ST6GALNAC3: variants seen among roughly 807,000 people sequenced by gnomAD.
ST6GALNAC3 encodes the protein alpha-N-acetylgalactosaminide alpha-2,6-sialyltransferase 3.
In ST6GALNAC3, 25 loss-of-function variants were observed where a neutral mutation model predicts 32.7. The observed-to-expected ratio is 0.76, with a 90% confidence interval of 0.56 to 1.07. ST6GALNAC3 has a LOEUF of 1.07. Ranked by LOEUF, ST6GALNAC3 falls within the 50% of genes least tolerant of loss-of-function variation. The probability of loss-of-function intolerance (pLI) is 0.00; values close to 1 mark genes in which losing one functional copy is unlikely to be tolerated. For missense variants in ST6GALNAC3, 355 were observed against 382.4 expected (o/e 0.93, Z 0.60); for synonymous variants, 129 against 133.1 (o/e 0.97, Z 0.21).
At chr1:76,112,856 GGGCAGCCA>G (rs1387405525) in intron 1 of ST6GALNAC3, among the ~76,000 whole-genome samples, 1 of 151,802 alleles carries the variant, frequency 6.6e-6, no homozygotes, top group East Asian at 2.0e-4. Flanking sequence ...TTTCCAGACT[GGGCAGCCA>G]GGCAGAGAGG....
At chr1:76,510,246 C>T (rs913112988) in intron 3 of ST6GALNAC3, among the ~76,000 whole-genome samples, 1 of 152,142 alleles carries the variant, frequency 6.6e-6, no homozygotes, top group Non-Finnish European at 1.5e-5. Context: ...TGGCCAACAA[C>T]TTTAAAATGG....
intron 3 of ST6GALNAC3, among the ~76,000 whole-genome samples, chr1:76,454,389 G>T (rs970590659): frequency 1.3e-5 from 2 of 152,000 alleles, no homozygotes; most frequent in African/African-American, 4.8e-5. Flanking sequence ...TATGAGATTT[G>T]TACTTTAAGG....
chr1:76,565,102 G>T (rs757516941), intron 3 of ST6GALNAC3, among the ~76,000 whole-genome samples: 5 of 152,128 alleles, frequency 3.3e-5, no homozygotes, highest in Admixed American at 6.5e-5. Context: ...TGTCCAACGG[G>T]AGGGGCCCCT....
intron 2 of ST6GALNAC3, among the ~76,000 whole-genome samples, chr1:76,383,441 A>ATTTTT (rs34140871): frequency 1.5e-5 from 2 of 134,350 alleles, no homozygotes; most frequent in African/African-American, 5.7e-5. Flanking sequence ...TGGCTAATTA[A>ATTTTT]TTTTTTTTTT....
At chr1:76,251,881 C>T (rs887408886) in intron 1 of ST6GALNAC3, among the ~76,000 whole-genome samples, 3 of 152,126 alleles carry the variant, frequency 2.0e-5, no homozygotes, top group African/African-American at 7.2e-5. Flanking sequence ...TAGTGCCTCA[C>T]TCAGAAGATA....
chr1:76,155,769 G>A (rs1183826724), intron 1 of ST6GALNAC3, among the ~76,000 whole-genome samples: 1 of 152,020 alleles, frequency 6.6e-6, no homozygotes, highest in African/African-American at 2.4e-5. Flanking sequence ...GAGCCACCGC[G>A]CCCGGCCTCC....
chr1:76,206,722 ACT>A (rs1021595056), intron 1 of ST6GALNAC3, among the ~76,000 whole-genome samples: 2 of 151,362 alleles, frequency 1.3e-5, no homozygotes, highest in African/African-American at 4.9e-5. Flanking sequence ...ATAGAGCGAG[ACT>A]CTGTCTAAAA....
At chr1:76,081,091 A>G (rs976458879) in intron 1 of ST6GALNAC3, among the ~76,000 whole-genome samples, 1 of 152,176 alleles carries the variant, frequency 6.6e-6, no homozygotes, top group Non-Finnish European at 1.5e-5. Flanking sequence ...ACAAATGAAG[A>G]CACTGAAGTT....
At chr1:76,597,938 C>T (rs1192101199) in intron 3 of ST6GALNAC3, among the ~76,000 whole-genome samples, 1 of 152,088 alleles carries the variant, frequency 6.6e-6, no homozygotes, top group Non-Finnish European at 1.5e-5. Flanking sequence ...TAACTGTCTT[C>T]GTTTATTTGG....
chr1:76,530,869 C>T (rs1385325768), intron 3 of ST6GALNAC3, among the ~76,000 whole-genome samples: 1 of 152,162 alleles, frequency 6.6e-6, no homozygotes, highest in African/African-American at 2.4e-5. Flanking sequence ...CTAGTCAAGA[C>T]AACAAGGCCA....
intron 3 of ST6GALNAC3, among the ~76,000 whole-genome samples, chr1:76,532,380 C>T (rs1360334458): frequency 6.6e-6 from 1 of 152,116 alleles, no homozygotes; most frequent in African/African-American, 2.4e-5. Flanking sequence ...ATCTGAATAC[C>T]GAATGCCACT....
intron 3 of ST6GALNAC3, among the ~76,000 whole-genome samples, chr1:76,414,894 C>T (rs1654508390): frequency 6.6e-6 from 1 of 151,982 alleles, no homozygotes; most frequent in Non-Finnish European, 1.5e-5. Flanking sequence ...TCCCAATTGT[C>T]TCATTGATAT....
intron 1 of ST6GALNAC3, among the ~76,000 whole-genome samples, chr1:76,213,596 C>T (rs1380009498): frequency 6.6e-6 from 1 of 152,184 alleles, no homozygotes; most frequent in Non-Finnish European, 1.5e-5. Flanking sequence ...AACAAATTCC[C>T]TTGCTCTATT....
intron 3 of ST6GALNAC3, among the ~76,000 whole-genome samples, chr1:76,494,102 G>A (rs565660751): frequency 4.4e-4 from 66 of 151,706 alleles, no homozygotes; most frequent in Non-Finnish European, 7.1e-4. Flanking sequence ...ACCCAATCTC[G>A]GCAGCAGGAT....
intron 3 of ST6GALNAC3, among the ~76,000 whole-genome samples, chr1:76,446,901 A>G (rs570087598): frequency 9.2e-5 from 14 of 152,312 alleles, no homozygotes; most frequent in Non-Finnish European, 2.1e-4. Context: ...AGTCTTGGGT[A>G]TGTCTTTATC....
chr1:76,096,918 CTTTT>C (rs545909921), intron 1 of ST6GALNAC3, among the ~76,000 whole-genome samples: 34 of 130,678 alleles, frequency 2.6e-4, no homozygotes, highest in African/African-American at 9.2e-4. Context: ...AGTCATAGAG[CTTTT>C]TTTTTTTTTT....
At chr1:76,265,538 C>G (rs1188513435) in intron 1 of ST6GALNAC3, among the ~76,000 whole-genome samples, 1 of 152,126 alleles carries the variant, frequency 6.6e-6, no homozygotes. Flanking sequence ...CAAATGCAAC[C>G]ATATTTCCCC....
intron 1 of ST6GALNAC3, among the ~76,000 whole-genome samples, chr1:76,268,451 C>T (rs992532511): frequency 7.9e-5 from 12 of 152,142 alleles, no homozygotes; most frequent in African/African-American, 2.9e-4. Flanking sequence ...TGTGTGGGAC[C>T]TTTCCTTTCT....
At chr1:76,125,865 C>A (rs1322821409) in intron 1 of ST6GALNAC3, among the ~76,000 whole-genome samples, 1 of 152,238 alleles carries the variant, frequency 6.6e-6, no homozygotes, top group African/African-American at 2.4e-5. Context: ...AAAGTCTTCA[C>A]TGACACTCAC....
Sources: allele counts gnomAD v4.1 joint callset (sites outside exome capture counted in the v4.1 genomes callset), GRCh38; gene constraint gnomAD v4.1.1; transcripts MANE v1.5; gene names NCBI Gene and HGNC (gene_info 2026-07-23, HGNC 2026-07-21).